Variants in ANKIB1 observed in about 807,000 individuals in gnomAD.
The protein encoded by ANKIB1 is ankyrin repeat and IBR domain containing 1.
Under a neutral mutation model 122.1 loss-of-function variants are expected in ANKIB1, and 43 were observed. The observed-to-expected ratio is 0.35, with a 90% CI of 0.28 to 0.45. The LOEUF (loss-of-function observed/expected upper bound fraction) is 0.45, where lower values mean the gene tolerates loss of function less well. Among genes scored for constraint, ANKIB1 ranks in the 20% least tolerant of loss-of-function variants. The pLI is 1.00. For missense variants in ANKIB1, 992 were observed against 1,329.5 expected (o/e 0.75, Z 3.95); for synonymous variants, 390 against 442.0 (o/e 0.88, Z 1.48).
At chr7:92,348,478 C>T (rs1188660589) in intron 7 of ANKIB1, among the ~76,000 whole-genome samples, 1 of 151,710 alleles carries the variant, frequency 6.6e-6, no homozygotes, top group East Asian at 1.9e-4. Flanking sequence ...CTCTGCCTCC[C>T]GGGTTCAAGT....
intron 2 of ANKIB1, among the ~76,000 whole-genome samples, chr7:92,297,594 T>A (rs1032389584): frequency 6.6e-6 from 1 of 152,152 alleles, no homozygotes; most frequent in Non-Finnish European, 1.5e-5. Context: ...TTTCCATTCC[T>A]TTTGCCCTAA....
rs751054587 is a variant in ANKIB1 at position 92,343,104 on chromosome 7, A to C, written c.868A>C (p.Thr290Pro). ...CCAACGATCAGGTGTTCAAATGCCAACTCCACCACCAAGTGGGTATAATGC... is the reference window on the plus strand; with the variant it reads ...CCAACGATCAGGTGTTCAAATGCCACCTCCACCACCAAGTGGGTATAATGC... ...CCQRSGVQMP[T>P]PPPSGYNAWD... Residue 290 changes from threonine to proline, a missense_variant, in exon 6 of 20, where the codon ACT (threonine) becomes CCT (proline). Around this residue, in one of 4 missense-constraint regions of ANKIB1, gnomAD observed 521 missense variants for 777.7 expected, o/e 0.67. Transcript: ENST00000265742. 6.2e-6 allele frequency: 10 copies of C among 1,613,684 alleles called. No individual in the cohort carries two copies. The highest frequency in any genetic ancestry group is 4.4e-5 in the South Asian group (4 of 91,080).
chr7:92,360,128 C>T (rs1303872412), intron 9 of ANKIB1, among the ~76,000 whole-genome samples: 1 of 152,030 alleles, frequency 6.6e-6, no homozygotes, highest in Non-Finnish European at 1.5e-5. Context: ...ACATTAATTG[C>T]ATTCACAGTG....
chr7:92,305,355 G>T (rs1441853234), intron 2 of ANKIB1, among the ~76,000 whole-genome samples: 1 of 152,164 alleles, frequency 6.6e-6, no homozygotes, highest in Non-Finnish European at 1.5e-5. Flanking sequence ...CCAGTCCCAT[G>T]TCACTGATCT....
intron 5 of ANKIB1, among the ~76,000 whole-genome samples, chr7:92,331,542 G>C (rs1803174439): frequency 2.0e-5 from 3 of 152,088 alleles, no homozygotes; most frequent in Admixed American, 2.0e-4. Flanking sequence ...CCAGAGTGTT[G>C]GGATTACAGG....
intron 17 of ANKIB1, among the ~76,000 whole-genome samples, chr7:92,392,646 A>T (rs181110393): frequency 1.3e-5 from 2 of 152,118 alleles, no homozygotes; most frequent in Non-Finnish European, 2.9e-5. Context: ...TTAAAAATAT[A>T]AAAGAACAAT....
At chr7:92,341,172 T>G (rs917115860) in intron 5 of ANKIB1, among the ~76,000 whole-genome samples, 44 of 151,696 alleles carry the variant, frequency 2.9e-4, no homozygotes, top group African/African-American at 9.9e-4. Context: ...TAGCCTGGAG[T>G]GGTGGCACAT....
intron 17 of ANKIB1, among the ~76,000 whole-genome samples, chr7:92,393,676 CTAATA>C (rs1257822450): frequency 6.6e-6 from 1 of 152,024 alleles, no homozygotes; most frequent in Non-Finnish European, 1.5e-5. Context: ...TGAGGGCCTA[CTAATA>C]TGAGTGTCAC....
chr7:92,252,794 C>A (rs1801355497), intron 1 of ANKIB1, among the ~76,000 whole-genome samples: 16 of 151,900 alleles, frequency 1.1e-4, no homozygotes, highest in Admixed American at 9.8e-4. Context: ...GGCTTTCTGG[C>A]AGAACAAGCT....
Position 92,398,590 on chromosome 7 carries a change from G to C in ANKIB1, c.2911G>C (p.Gly971Arg), listed in dbSNP as rs1360836511. The C allele has an allele frequency of 6.2e-7, 1 of 1,613,860 alleles. No individual in the cohort carries two copies. Among genetic ancestry groups the C allele is most frequent in the East Asian group, 2.2e-5 (1 of 44,868 alleles). The part of the protein sequence containing the change: ...QDPNINDNLL[G>R]NIMAWFHDMN... ...CCCCAACATCAATGACAATCTTCTC[G>C]GCAACATCATGGCTTGGTTTCATGA... Residue 971 changes from glycine (G) to arginine (R), a missense_variant, in exon 20 of 20, where the codon GGC becomes CGC. Coordinates refer to ENST00000265742, the MANE Select transcript of ANKIB1 (RefSeq NM_019004.2).
Position 92,371,547 on chromosome 7 carries a change from T to C in ANKIB1, c.1557T>C (p.Cys519=). Residue 519 remains cysteine, a synonymous_variant, in exon 11 of 20, where the codon TGT becomes TGC. Transcript: ENST00000265742. The part of the protein sequence containing the change: ...CLWLLTNSKP[C]ANCKSPIQKN... Reference sequence around the variant, plus strand: ...GGTTATTAACTAACTCCAAGCCTTGTGCCAACTGTAAGTCTCCAATACAGA... The same window carrying C: ...GGTTATTAACTAACTCCAAGCCTTGCGCCAACTGTAAGTCTCCAATACAGA... 1 of 1,605,922 alleles carries C rather than the reference T, an allele frequency of 6.2e-7. No individual in the cohort carries two copies. Among genetic ancestry groups the C allele is most frequent in the Non-Finnish European group, 8.5e-7 (1 of 1,175,754 alleles).
intron 1 of ANKIB1, among the ~76,000 whole-genome samples, chr7:92,270,728 GT>G (rs397889266): frequency 0.014 from 1,154 of 81,990 alleles, 1 homozygote; most frequent in African/African-American, 0.039. Context: ...CATCGCTATA[GT>G]TTTTTTTTTT....
intron 2 of ANKIB1, among the ~76,000 whole-genome samples, chr7:92,303,041 T>C (rs1585096987): frequency 1.4e-5 from 1 of 71,696 alleles, no homozygotes; most frequent in Non-Finnish European, 3.5e-5. Flanking sequence ...AAAAGACAGT[T>C]AGTTCAGAGA....
rs118057251 is a variant in ANKIB1, at chr7:92,267,378, C to T, written c.-91+20859C>T. 4.2e-4 allele frequency among the ~76,000 whole-genome samples: 64 copies of T among 152,230 alleles called. No individual in the cohort carries two copies. The Middle Eastern group carries it at 0.01, about 24-fold the overall frequency. On this transcript the variant is annotated intron_variant, in intron 1 of 19. Coordinates refer to ENST00000265742, the MANE Select transcript of ANKIB1 (RefSeq NM_019004.2). ...AGTACCCCAGAAGCCTTCCCTCATC[C>T]ATCCAGTAAAAATTATGTCTCCCAA... is the stretch of plus-strand genomic sequence containing the variant.
intron 11 of ANKIB1, among the ~76,000 whole-genome samples, chr7:92,385,085 AC>A (rs1341406419): frequency 2.0e-5 from 3 of 152,248 alleles, no homozygotes; most frequent in Non-Finnish European, 4.4e-5. Flanking sequence ...ATGAACAGAC[AC>A]TTTTCAAAAG....
In ANKIB1 at chr7:92,246,165, G is replaced by C. The variant is rs1446225271; in HGVS notation, c.-445G>C. The stretch of plus-strand genomic sequence containing the variant: ...CTGCGAGCGCGCAAGGCTGGAACAT[G>C]AGCCGGGCTTGACCGCGAGGCGGAG... On this transcript the variant is annotated 5_prime_UTR_variant, in exon 1 of 20. The change abolishes an upstream ATG in the 5' untranslated region. Transcript: ENST00000265742. The C allele has an allele frequency of 4.2e-5, 14 of 336,370 alleles. No individual in the cohort carries two copies. Among genetic ancestry groups the C allele is most frequent in the South Asian group, 2.5e-4 (12 of 47,484 alleles). The allele number at this position is 336,370 out of a possible 1,614,324, so 20.8% of individuals were successfully genotyped here.
chr7:92,360,297 T>C (rs1445690292), intron 9 of ANKIB1, among the ~76,000 whole-genome samples: 2 of 152,242 alleles, frequency 1.3e-5, no homozygotes, highest in Non-Finnish European at 2.9e-5. Flanking sequence ...ATTCTAAATA[T>C]TTAATGTAAG....
chr7:92,271,619 C>T (rs761959164), intron 1 of ANKIB1, among the ~76,000 whole-genome samples: 3 of 152,064 alleles, frequency 2.0e-5, no homozygotes, highest in African/African-American at 4.8e-5. Context: ...ATAGATGAGA[C>T]GCTAAGTCCA....
At chr7:92,365,491 G>A (rs1327275720) in intron 10 of ANKIB1, among the ~76,000 whole-genome samples, 2 of 152,144 alleles carry the variant, frequency 1.3e-5, no homozygotes, top group African/African-American at 4.8e-5. Flanking sequence ...ATGAGACTGT[G>A]CAGACAGGAG....
Sources: allele counts gnomAD v4.1 joint callset (sites outside exome capture counted in the v4.1 genomes callset), GRCh38; gene constraint gnomAD v4.1.1; regional missense constraint gnomAD v4.1.1; transcripts MANE v1.5; gene names NCBI Gene and HGNC (gene_info 2026-07-23, HGNC 2026-07-21).